The following MED27 variants were observed in gnomAD, a reference collection of about 807,000 sequenced individuals.
MED27 encodes mediator complex subunit 27.
MED27 carries 30 observed loss-of-function variants against 38.2 expected under a neutral mutation model. The ratio of observed to expected loss-of-function variants is 0.79; its 90% CI spans 0.59 to 1.07. The LOEUF (loss-of-function observed/expected upper bound fraction) is 1.07, where lower values mean the gene tolerates loss of function less well. Ranked by LOEUF, MED27 falls within the 50% of genes least tolerant of loss-of-function variation. The pLI is 0.00. For missense variants in MED27, 289 were observed against 397.5 expected (o/e 0.73, Z 2.32); for synonymous variants, 122 against 153.5 (o/e 0.79, Z 1.52).
intron 2 of MED27, among the ~76,000 whole-genome samples, chr9:132,070,036 C>T (rs936362280): frequency 1.7e-4 from 26 of 152,186 alleles, no homozygotes; most frequent in African/African-American, 6.3e-4. Context: ...CCCACGACAG[C>T]CCCGGAAGGT....
At position 131,862,826 on chromosome 9, in the gene MED27, T is replaced by C. The variant is rs1221060436; in HGVS notation, c.801+237A>G. 6.6e-6 allele frequency among the ~76,000 whole-genome samples: 1 copy of C among 152,192 alleles called. No homozygotes were observed. Among genetic ancestry groups the C allele is most frequent in the Non-Finnish European group, 1.5e-5 (1 of 68,030 alleles). On this transcript the variant is annotated intron_variant, in intron 7 of 7. Coordinates refer to ENST00000292035, the MANE Select transcript of MED27 (RefSeq NM_004269.4). The surrounding 1 kb of genome is among the most constrained non-coding windows in gnomAD (Gnocchi z 4.6). ...ATGCTGGAACTATTTTGGAAGATCA[T>C]TTCTGAAACCACCGCTTTTTCAGCA...
At chr9:131,895,115 T>G (rs777777863) in intron 4 of MED27, among the ~76,000 whole-genome samples, 4 of 152,214 alleles carry the variant, frequency 2.6e-5, no homozygotes, top group Non-Finnish European at 5.9e-5. Context: ...AACTGTGAGC[T>G]TAATCTCTTT....
intron 3 of MED27, among the ~76,000 whole-genome samples, chr9:131,948,676 T>C (rs1830931058): frequency 6.6e-6 from 1 of 152,156 alleles, no homozygotes; most frequent in Admixed American, 6.5e-5. Flanking sequence ...ACTGGCTACT[T>C]ATCTACTGTG....
chr9:132,077,255 A>C (rs1400121323), intron 2 of MED27, among the ~76,000 whole-genome samples, 187 bp downstream of exon 2: 1 of 152,256 alleles, frequency 6.6e-6, no homozygotes, highest in Non-Finnish European at 1.5e-5. Context: ...GAACATCATG[A>C]ATCCCCAAAG....
intron 3 of MED27, among the ~76,000 whole-genome samples, chr9:132,001,220 A>T (rs1832227060): frequency 6.6e-6 from 1 of 152,214 alleles, no homozygotes; most frequent in South Asian, 2.1e-4. Flanking sequence ...GGTGAAAGGA[A>T]TGATAAAAGG....
At position 132,015,638 on chromosome 9, in the gene MED27, C is replaced by T. The variant is rs534482058; in HGVS notation, c.349-1171G>A. ...CCTAACGCAGTCAATCCCCTTAGCACCTAACATCAGGAAATTCTGATTTAA... is the reference window on the plus strand; with the variant it reads ...CCTAACGCAGTCAATCCCCTTAGCATCTAACATCAGGAAATTCTGATTTAA... On this transcript the variant is annotated intron_variant, in intron 2 of 7. Coordinates refer to ENST00000292035, the MANE Select transcript of MED27 (RefSeq NM_004269.4). Among the ~76,000 whole-genome samples, 9 of 152,308 alleles carry T rather than the reference C, an allele frequency of 5.9e-5. No individual in the cohort carries two copies. The South Asian group carries it at 1.9e-3, about 32-fold the overall frequency.
chr9:132,062,913 C>T (rs983415329), intron 2 of MED27, among the ~76,000 whole-genome samples: 16 of 152,300 alleles, frequency 1.1e-4, no homozygotes, highest in African/African-American at 3.4e-4. Flanking sequence ...TGAGCCACTG[C>T]ACCCAGCCAT....
At chr9:132,004,201 C>T (rs35736641) in intron 3 of MED27, among the ~76,000 whole-genome samples, 2,799 of 152,228 alleles carry the variant, frequency 0.018, 42 homozygotes, top group Non-Finnish European at 0.029. Context: ...GAACTGAGTA[C>T]GGTTCTCTCA....
chr9:131,999,402 C>T (rs549693861), intron 3 of MED27, among the ~76,000 whole-genome samples: 36 of 152,276 alleles, frequency 2.4e-4, no homozygotes, highest in Middle Eastern at 3.4e-3. Context: ...CTGGAAAAGT[C>T]TCTTGGTGTG....
intron 6 of MED27, among the ~76,000 whole-genome samples, chr9:131,875,385 T>A (rs183117602): frequency 9.9e-5 from 15 of 152,246 alleles, no homozygotes; most frequent in Admixed American, 9.2e-4. Context: ...TTGGGTTGAC[T>A]TTACACACGA....
At chr9:131,918,769 G>A (rs920918099) in intron 4 of MED27, among the ~76,000 whole-genome samples, 3 of 151,818 alleles carry the variant, frequency 2.0e-5, no homozygotes, top group East Asian at 1.9e-4. Context: ...AAATTCACCC[G>A]GAAATGAAAC....
Position 131,913,256 on chromosome 9 carries a change from G to C in MED27, c.574-19264C>G, listed in dbSNP as rs1212961106. Among the ~76,000 whole-genome samples the C allele has an allele frequency of 6.6e-6, 1 of 152,152 alleles. No homozygotes were observed. The highest frequency in any genetic ancestry group is 1.5e-5 in the Non-Finnish European group (1 of 68,028). On this transcript the variant is annotated intron_variant, in intron 4 of 7. Transcript: ENST00000292035. This position sits in a 1 kb window ranked among gnomAD's most constrained non-coding sequence, Gnocchi z 4.5. Reference sequence around the variant, plus strand: ...TTTGAATCTCTGTGACCTTTTCATGGATAGTAGCAGAGGTTGATAAAGAAA... The same window carrying C: ...TTTGAATCTCTGTGACCTTTTCATGCATAGTAGCAGAGGTTGATAAAGAAA...
At chr9:131,912,975 A>G (rs1830217779) in intron 4 of MED27, among the ~76,000 whole-genome samples, 1 of 152,224 alleles carries the variant, frequency 6.6e-6, no homozygotes, top group African/African-American at 2.4e-5. Flanking sequence ...TGGAAACTAT[A>G]AAATCCTCTC....
At chr9:131,892,105 T>C (rs929475405) in intron 5 of MED27, among the ~76,000 whole-genome samples, 1 of 151,968 alleles carries the variant, frequency 6.6e-6, no homozygotes, top group African/African-American at 2.4e-5. Context: ...GTGATCCTTG[T>C]GTGGGTGACA....
intron 3 of MED27, among the ~76,000 whole-genome samples, chr9:131,971,176 G>A (rs771190625): frequency 4.6e-5 from 7 of 152,216 alleles, no homozygotes; most frequent in Non-Finnish European, 1.0e-4. Context: ...TCCCATGGGA[G>A]TTCATTTTCC....
chr9:131,874,464 G>A (rs1838892115), intron 6 of MED27, among the ~76,000 whole-genome samples: 1 of 152,188 alleles, frequency 6.6e-6, no homozygotes, highest in South Asian at 2.1e-4. Context: ...CACCTTGCAG[G>A]AGCCTGAGTG....
intron 4 of MED27, among the ~76,000 whole-genome samples, chr9:131,923,862 G>A (rs375429119): frequency 3.9e-4 from 60 of 152,180 alleles, no homozygotes; most frequent in Non-Finnish European, 6.5e-4. Flanking sequence ...AAAAGTAAGC[G>A]TATTAAGGAT....
In MED27 at chr9:131,888,334, G is replaced by A. The variant is rs77084705; in HGVS notation, c.682-4235C>T. On this transcript the variant is annotated intron_variant, in intron 5 of 7. Transcript: ENST00000292035. ...TTGTCCACCATTGCATAGTTAATGC[G>A]AGGTGGGGGAATTTGAAACCAGGTC... Among the ~76,000 whole-genome samples the A allele has an allele frequency of 8.1e-3, 1,241 of 152,314 alleles. 6 individuals are homozygous for A. The highest frequency in any genetic ancestry group is 0.024 in the African/African-American group (985 of 41,558).
intron 2 of MED27, among the ~76,000 whole-genome samples, chr9:132,064,169 T>A (rs1004457484): frequency 6.6e-6 from 1 of 152,158 alleles, no homozygotes; most frequent in African/African-American, 2.4e-5. Context: ...AATGGCAAGG[T>A]AGATAAATCT....
Sources: gnomAD v4.1 joint callset for allele counts (sites outside exome capture counted in the v4.1 genomes callset) on GRCh38, gnomAD v4.1.1 for gene constraint, Gnocchi (gnomAD v3.1) non-coding constraint, MANE v1.5 for transcripts, NCBI Gene and HGNC (gene_info 2026-07-23, HGNC 2026-07-21) for gene names.